The following CUL9 variants were observed in gnomAD, a reference collection of about 807,000 sequenced individuals.
CUL9 encodes the protein cullin 9, also known as cullin-9.
Under a neutral mutation model 272.6 loss-of-function variants are expected in CUL9, and 79 were observed. The observed-to-expected ratio is 0.29, with a 90% CI of 0.24 to 0.35. The LOEUF (loss-of-function observed/expected upper bound fraction) is 0.35. Among genes scored for constraint, CUL9 ranks in the 10% least tolerant of loss-of-function variants. CUL9 has a pLI of 1.00. For synonymous variants in CUL9, 1,186 were observed against 1,286.5 expected, an observed-to-expected ratio of 0.92 and a Z score of 1.67; for missense variants, 2,532 against 3,255.6, an observed-to-expected ratio of 0.78 and a Z score of 5.41.
At chr6:43,182,288 TCTC>T (rs1772449286) in intron 1 of CUL9, 39 bp downstream of exon 1, 1 of 152,186 alleles carries the variant, frequency 6.6e-6, no homozygotes, top group African/African-American at 2.4e-5. Context: ...TCCCTCCCCT[TCTC>T]CTGTCCCCTC....
Position 43,206,527 on chromosome 6 carries a change from A to C in CUL9, c.5212+17A>C. On this transcript the variant is annotated intron_variant, in intron 26 of 40. Coordinates refer to ENST00000252050, the MANE Select transcript of CUL9 (RefSeq NM_015089.4). This position sits in a 1 kb window ranked among gnomAD's most constrained non-coding sequence, Gnocchi z 4.8. ...ACAGCCAGAGTGAGGAACTAGGGAG[A>C]GGAAATTGGAGATCGGGGTGAGATT... is the stretch of plus-strand genomic sequence containing the variant. The C allele has an allele frequency of 6.2e-7, 1 of 1,611,534 alleles. No homozygotes were observed. Among genetic ancestry groups the C allele is most frequent in the Non-Finnish European group, 8.5e-7 (1 of 1,177,774 alleles).
intron 1 of CUL9, among the ~76,000 whole-genome samples, chr6:43,183,554 T>C (rs1772619186): frequency 6.6e-6 from 1 of 152,176 alleles, no homozygotes; most frequent in Non-Finnish European, 1.5e-5. Flanking sequence ...GTCCTTCCTG[T>C]CCACCCATGT....
chr6:43,192,269 A>G (rs1773596196), intron 8 of CUL9, among the ~76,000 whole-genome samples: 6 of 151,804 alleles, frequency 4.0e-5, no homozygotes, highest in Admixed American at 3.9e-4. Context: ...CCCATGGCAA[A>G]AGCCATGGGC....
At position 43,196,707 on chromosome 6, in the gene CUL9, C is replaced by T; in HGVS notation, c.2648C>T (p.Thr883Ile). 1 of 1,614,242 alleles carries T rather than the reference C, an allele frequency of 6.2e-7. No individual in the cohort carries two copies. The highest frequency in any genetic ancestry group is 8.5e-7 in the Non-Finnish European group (1 of 1,180,048). The change falls in exon 11 of 41, where the codon ACT (threonine) becomes ATT (isoleucine). Residue 883 changes from threonine to isoleucine, a missense_variant. Around this residue, in one of 3 missense-constraint regions of CUL9, gnomAD observed 2,218 missense variants for 2,788.6 expected, o/e 0.80. Transcript: ENST00000252050. ...AACCTACTTTTGTGCAACCACCACACTCTGGGAGACCAGATTATAACCCAA... is the reference window on the plus strand; with the variant it reads ...AACCTACTTTTGTGCAACCACCACATTCTGGGAGACCAGATTATAACCCAA... Reference protein sequence around the residue: ...LLNLLLCNHHTLGDQIITQEL... With the variant: ...LLNLLLCNHHILGDQIITQEL...
rs1582425879 is a variant in CUL9 at position 43,218,296 on chromosome 6, A to G, written c.6282+1793A>G. 6.6e-6 allele frequency among the ~76,000 whole-genome samples: 1 copy of G among 152,012 alleles called. No individual in the cohort carries two copies. Among genetic ancestry groups the G allele is most frequent in the East Asian group, 1.9e-4 (1 of 5,196 alleles). On this transcript the variant is annotated intron_variant, in intron 31 of 40. Transcript: ENST00000252050. The surrounding 1 kb of genome is among the most constrained non-coding windows in gnomAD (Gnocchi z 4.4). ...CAGTGGCGCGATCTCGGCTCATTGC[A>G]ACCTCCATCTCCCGGGTTCAAGCGA...
chr6:43,221,461 G>A lies in CUL9; in HGVS notation c.6752+140G>A, dbSNP rs576167701. On this transcript the variant is annotated intron_variant, in intron 34 of 40. Transcript: ENST00000252050. This position sits in a 1 kb window ranked among gnomAD's most constrained non-coding sequence, Gnocchi z 4.2. The stretch of plus-strand genomic sequence containing the variant: ...CCGCCCCTCACGTGGCAGCCTCCAC[G>A]GTGACTTCCTGGATCTTAATGTTCC... 30 of 1,052,574 alleles carry A rather than the reference G, an allele frequency of 2.9e-5. No homozygotes were observed. Among genetic ancestry groups the A allele is most frequent in the South Asian group, 4.7e-5 (3 of 63,508 alleles). The allele number at this position is 1,052,574 out of a possible 1,614,324, so 65.2% of individuals were successfully genotyped here.
Position 43,216,161 on chromosome 6 carries a change from A to G in CUL9, c.5940A>G (p.Pro1980=), listed in dbSNP as rs767644931. ...GSQSETSKPS[P]EAVATLASLQ... ...CTGTCTCTTCCCTCCCCACAAGCCC[A>G]GAAGCTGTGGCTACCCTGGCATCTC... Residue 1980 remains proline, a synonymous_variant, in exon 31 of 41, where the codon CCA becomes CCG. Coordinates refer to ENST00000252050, the MANE Select transcript of CUL9 (RefSeq NM_015089.4). 75 of 1,601,596 alleles carry G rather than the reference A, an allele frequency of 4.7e-5. No individual in the cohort carries two copies. In the Middle Eastern group the frequency reaches 8.3e-4, roughly 18 times the overall value.
chr6:43,215,401 A>G, intron 30 of CUL9, 75 bp downstream of exon 30: 1 of 1,504,152 alleles, frequency 6.6e-7, no homozygotes, highest in Non-Finnish European at 8.8e-7. Context: ...CTTGTGGAGA[A>G]ACACTTCCCT....
At chr6:43,190,060 A>C (rs971924665) in intron 8 of CUL9, among the ~76,000 whole-genome samples, 1 of 150,842 alleles carries the variant, frequency 6.6e-6, no homozygotes. Flanking sequence ...AGGGCTTTCC[A>C]TATCAGTCTG....
At position 43,216,386 on chromosome 6, in the gene CUL9, G is replaced by C; in HGVS notation, c.6165G>C (p.Leu2055=). ...AGCCACTGCTGCTGGCAGCTGGGCT[G>C]TGCGTACACCAGGCTCAGGCTGTAC... The part of the protein sequence containing the change: ...DPEPLLLAAG[L]CVHQAQAVPV... The change falls in exon 31 of 41, where the codon CTG becomes CTC. Residue 2055 remains leucine, a synonymous_variant. Coordinates refer to ENST00000252050, the MANE Select transcript of CUL9 (RefSeq NM_015089.4). 6.2e-7 allele frequency: 1 copy of C among 1,614,144 alleles called. No homozygotes were observed. Among genetic ancestry groups the C allele is most frequent in the South Asian group, 1.1e-5 (1 of 91,086 alleles).
At chr6:43,191,252 TTG>T (rs58122260) in intron 8 of CUL9, among the ~76,000 whole-genome samples, 3,594 of 126,902 alleles carry the variant, frequency 0.028, 52 homozygotes, top group East Asian at 0.061. Flanking sequence ...CTAAATTGCA[TTG>T]TGTGTGTGTG....
chr6:43,184,977 T>G lies in CUL9; in HGVS notation c.595+72T>G. 8.0e-5 allele frequency: 85 copies of G among 1,057,146 alleles called. No homozygotes were observed. Among genetic ancestry groups the G allele is most frequent in the Non-Finnish European group, 1.0e-4 (75 of 742,800 alleles). 65.5% of individuals were successfully genotyped at this position (1,057,146 alleles called of 1,614,324 possible). On this transcript the variant is annotated intron_variant, in intron 2 of 40. Coordinates refer to ENST00000252050, the MANE Select transcript of CUL9 (RefSeq NM_015089.4). This position sits in a 1 kb window ranked among gnomAD's most constrained non-coding sequence, Gnocchi z 4.8. ...CACAGGGAATAAGAAAGAGGAGAGA[T>G]TTCCTAGCTCTGTAAGAACACCTAG...
chr6:43,198,131 C>T (rs886636541), intron 11 of CUL9: 1 of 266,088 alleles, frequency 3.8e-6, no homozygotes, highest in African/African-American at 2.3e-5. Flanking sequence ...ATCCCAGCTA[C>T]TTGGGAGGCT....
chr6:43,204,106 T>A, intron 20 of CUL9, 119 bp downstream of exon 20: 1 of 1,305,792 alleles, frequency 7.7e-7, no homozygotes, highest in Non-Finnish European at 1.0e-6. Flanking sequence ...GCCTGTCACC[T>A]CAGTGTTCCT....
At chr6:43,190,739 A>G (rs1187956387) in intron 8 of CUL9, among the ~76,000 whole-genome samples, 1 of 152,222 alleles carries the variant, frequency 6.6e-6, no homozygotes, top group Non-Finnish European at 1.5e-5. Flanking sequence ...CTTAGAAAAG[A>G]TAGATTAAAA....
At chr6:43,189,926 A>G (rs1773286653) in intron 8 of CUL9, among the ~76,000 whole-genome samples, 1 of 152,238 alleles carries the variant, frequency 6.6e-6, no homozygotes, top group African/African-American at 2.4e-5. Flanking sequence ...TATATCCTAC[A>G]GATTTGCATT....
At chr6:43,219,720 T>C (rs1302896261) in intron 31 of CUL9, among the ~76,000 whole-genome samples, 1 of 151,972 alleles carries the variant, frequency 6.6e-6, no homozygotes, top group Non-Finnish European at 1.5e-5. Context: ...TCATGGAGTA[T>C]TGTAGGAGGC....
At chr6:43,202,232 TG>T (rs1774652920) in intron 16 of CUL9, among the ~76,000 whole-genome samples, 2 of 152,184 alleles carry the variant, frequency 1.3e-5, no homozygotes, top group Non-Finnish European at 1.5e-5. Context: ...TGTGGACAGA[TG>T]ATCATTTCAT....
rs766066895 is a variant in CUL9, at chr6:43,213,768, G to A, written c.5544G>A (p.Leu1848=). 1.7e-5 allele frequency: 27 copies of A among 1,613,992 alleles called. No individual in the cohort carries two copies. The highest frequency in any genetic ancestry group is 2.1e-5 in the Non-Finnish European group (25 of 1,180,056). ...AGCGCAGTGGGGAGGCCCTGTGGCT[G>A]ATACCTCCCCAGGCATACCTGAACG... ...GPQRSGEALW[L]IPPQAYLNVE... Residue 1848 remains leucine, a synonymous_variant, in exon 29 of 41, where the codon CTG becomes CTA. Transcript: ENST00000252050. The surrounding 1 kb of genome is among the most constrained non-coding windows in gnomAD (Gnocchi z 5.7).
Sources: gnomAD v4.1 joint callset for allele counts (sites outside exome capture counted in the v4.1 genomes callset) on GRCh38, gnomAD v4.1.1 for gene constraint, gnomAD v4.1.1 regional missense constraint, Gnocchi (gnomAD v3.1) non-coding constraint, MANE v1.5 for transcripts, NCBI Gene and HGNC (gene_info 2026-07-23, HGNC 2026-07-21) for gene names.